Variants in ME1 observed in about 807,000 individuals in gnomAD.
ME1 encodes the protein NADP-dependent malic enzyme.
ME1 carries 74 observed loss-of-function variants against 66.4 expected under a neutral mutation model. The ratio of observed to expected loss-of-function variants is 1.11; its 90% CI spans 0.92 to 1.35. ME1 has a LOEUF of 1.35. Among genes scored for constraint, ME1 ranks in the 40% most tolerant of loss-of-function variants. The pLI is 0.00. For missense variants in ME1, 750 were observed against 694.1 expected (o/e 1.08, Z -0.90); for synonymous variants, 251 against 235.6 (o/e 1.07, Z -0.60).
At chr6:83,382,514 A>T (rs541542346) in intron 3 of ME1, among the ~76,000 whole-genome samples, 1 of 152,236 alleles carries the variant, frequency 6.6e-6, no homozygotes, top group African/African-American at 2.4e-5. Context: ...CAGTATTAGG[A>T]ACTTTTAAAA....
chr6:83,414,809 T>C (rs1358125497), intron 1 of ME1, among the ~76,000 whole-genome samples: 1 of 152,186 alleles, frequency 6.6e-6, no homozygotes, highest in Non-Finnish European at 1.5e-5. Flanking sequence ...TTGAAATCAT[T>C]TGAAAAATTT....
At chr6:83,376,804 C>CAAAAAAAACAAAAAAAAAAAA (rs1769300389) in intron 3 of ME1, among the ~76,000 whole-genome samples, 1 of 87,126 alleles carries the variant, frequency 1.1e-5, no homozygotes, top group African/African-American at 3.9e-5. Context: ...CCCTGTCTCA[C>CAAAAAAAACAAAAAAAAAAAA]AAAAAAAAAA....
intron 6 of ME1, among the ~76,000 whole-genome samples, chr6:83,314,967 C>T (rs1173008349): frequency 1.3e-5 from 2 of 152,068 alleles, no homozygotes; most frequent in African/African-American, 4.8e-5. Flanking sequence ...TATCATCAAC[C>T]AGAAAGTACA....
chr6:83,417,154 A>G (rs1287694888), intron 1 of ME1, among the ~76,000 whole-genome samples: 1 of 152,044 alleles, frequency 6.6e-6, no homozygotes, highest in African/African-American at 2.4e-5. Flanking sequence ...GGCTCAAGCA[A>G]TCCTCTTGCC....
At chr6:83,397,950 A>C (rs372208678) in intron 3 of ME1, among the ~76,000 whole-genome samples, 1 of 152,208 alleles carries the variant, frequency 6.6e-6, no homozygotes, top group South Asian at 2.1e-4. Flanking sequence ...CAAAGAGAAG[A>C]ACGGTAGTTA....
chr6:83,369,213 A>T (rs904871710), intron 3 of ME1, among the ~76,000 whole-genome samples: 1 of 152,122 alleles, frequency 6.6e-6, no homozygotes, highest in Non-Finnish European at 1.5e-5. Flanking sequence ...GAGATCAAAG[A>T]CCTAACTAAC....
chr6:83,288,234 C>T (rs1168479331), intron 6 of ME1, among the ~76,000 whole-genome samples: 2 of 152,040 alleles, frequency 1.3e-5, no homozygotes, highest in Non-Finnish European at 1.5e-5. Flanking sequence ...TTGCCCATGC[C>T]TATGTCCTGA....
chr6:83,405,706 TTTTGTTGTTGTTGTTG>T (rs1769926434), intron 2 of ME1, among the ~76,000 whole-genome samples: 1 of 148,822 alleles, frequency 6.7e-6, no homozygotes, highest in African/African-American at 2.5e-5. Context: ...TGAGAGTTTT[TTTTGTTGTTGTTGTTG>T]TTTTTTTTTT....
intron 1 of ME1, among the ~76,000 whole-genome samples, chr6:83,421,987 C>T (rs1770277261): frequency 6.6e-6 from 1 of 152,058 alleles, no homozygotes; most frequent in African/African-American, 2.4e-5. Flanking sequence ...AAGTACACAG[C>T]AGGGCAGGAA....
At chr6:83,325,309 C>T (rs1295600578) in intron 5 of ME1, among the ~76,000 whole-genome samples, 5 of 152,164 alleles carry the variant, frequency 3.3e-5, no homozygotes. Flanking sequence ...TGGCACAAGA[C>T]AAGGATGCCC....
intron 9 of ME1, among the ~76,000 whole-genome samples, chr6:83,234,162 A>G (rs1342834356): frequency 6.6e-6 from 1 of 152,188 alleles, no homozygotes; most frequent in East Asian, 1.9e-4. Flanking sequence ...AGATGCTAAA[A>G]TCTATGTATT....
intron 3 of ME1, among the ~76,000 whole-genome samples, chr6:83,364,226 C>G (rs1479923039): frequency 6.6e-6 from 1 of 152,102 alleles, no homozygotes; most frequent in African/African-American, 2.4e-5. Context: ...CTGGCCTAGC[C>G]TCCCCTACCC....
chr6:83,375,926 C>T (rs1223684848), intron 3 of ME1, among the ~76,000 whole-genome samples: 1 of 151,872 alleles, frequency 6.6e-6, no homozygotes, highest in African/African-American at 2.4e-5. Context: ...TTTCTAAATG[C>T]CCAACACCAG....
At position 83,427,879 on chromosome 6, in the gene ME1, G is replaced by A. The variant is rs548914514; in HGVS notation, c.78+2998C>T. Among the ~76,000 whole-genome samples the A allele has an allele frequency of 4.6e-5, 7 of 152,102 alleles. No individual in the cohort carries two copies. In the East Asian group the frequency reaches 1.2e-3, roughly 25 times the overall value. ...ATATAGAAATTAGCTGGGCATAGTG[G>A]CACATGCCTGTAATCTCAGCTACTC... On this transcript the variant is annotated intron_variant, in intron 1 of 13. Transcript: ENST00000369705.
At chr6:83,252,680 T>A (rs1025693752) in intron 7 of ME1, among the ~76,000 whole-genome samples, 8 of 152,120 alleles carry the variant, frequency 5.3e-5, no homozygotes, top group African/African-American at 1.9e-4. Context: ...TGTGTGGACC[T>A]GAGTATATAC....
chr6:83,391,169 G>A (rs1256513677), intron 3 of ME1, among the ~76,000 whole-genome samples: 1 of 152,082 alleles, frequency 6.6e-6, no homozygotes, highest in Admixed American at 6.6e-5. Context: ...GAATTCAAAA[G>A]TATGGATAAG....
intron 7 of ME1, among the ~76,000 whole-genome samples, chr6:83,249,101 A>C (rs889058339): frequency 6.6e-6 from 1 of 152,194 alleles, no homozygotes. Flanking sequence ...AATTTGGGGA[A>C]AAGAAAGATT....
intron 2 of ME1, among the ~76,000 whole-genome samples, 186 bp downstream of exon 2, chr6:83,407,582 T>C (rs1021361750): frequency 6.1e-4 from 93 of 152,364 alleles, no homozygotes; most frequent in African/African-American, 2.2e-3. Context: ...AGCAAAATTT[T>C]ATTTCATTCA....
rs1768921889 is a variant in ME1 at position 83,357,902 on chromosome 6, C to CTCTCTCTCTCTCTCT, written c.363-5764_363-5763insAGAGAGAGAGAGAGA. 7.3e-4 allele frequency among the ~76,000 whole-genome samples: 23 copies of CTCTCTCTCTCTCTCT among 31,552 alleles called. 1 individual carries two copies. Among genetic ancestry groups the CTCTCTCTCTCTCTCT allele is most frequent in the Middle Eastern group, 0.033 (1 of 30 alleles). The allele number at this position is 31,552 out of a possible 152,430, so 20.7% of individuals were successfully genotyped here. Reference sequence around the variant, plus strand: ...TGTTAGTTAATACTTAATAAACTCCCCTCTCTCTCTCTCTCTCTCTCTCTC... The same window carrying CTCTCTCTCTCTCTCT: ...TGTTAGTTAATACTTAATAAACTCCCTCTCTCTCTCTCTCTCTCTCTCTCTCTCTCTCTCTCTCTC... On this transcript the variant is annotated intron_variant, in intron 3 of 13. Transcript: ENST00000369705.
Sources: gnomAD v4.1 joint callset for allele counts (sites outside exome capture counted in the v4.1 genomes callset) on GRCh38, gnomAD v4.1.1 for gene constraint, MANE v1.5 for transcripts, NCBI Gene and HGNC (gene_info 2026-07-23, HGNC 2026-07-21) for gene names.